FLACC1: variants seen among roughly 807,000 people sequenced by gnomAD.
FLACC1 encodes flagellum-associated coiled-coil domain-containing protein 1.
A neutral mutation model predicts 62.8 loss-of-function variants in FLACC1; 66 were observed. That is an observed-to-expected ratio of 1.05 (90% CI 0.86 to 1.29). The LOEUF is 1.29. Ranked by LOEUF, FLACC1 falls within the 50% of genes most tolerant of loss-of-function variation. The pLI is 0.00. For synonymous variants in FLACC1, 156 were observed against 161.0 expected, an observed-to-expected ratio of 0.97 and a Z score of 0.24; for missense variants, 452 against 489.1, an observed-to-expected ratio of 0.92 and a Z score of 0.71.
chr2:201,311,533 T>C (rs941671598), intron 9 of FLACC1, among the ~76,000 whole-genome samples: 1 of 151,832 alleles, frequency 6.6e-6, no homozygotes, highest in Non-Finnish European at 1.5e-5. Flanking sequence ...CAACATGATA[T>C]GAGACCCCAC....
chr2:201,329,421 G>A (rs1950551455), intron 9 of FLACC1, among the ~76,000 whole-genome samples: 1 of 152,164 alleles, frequency 6.6e-6, no homozygotes, highest in Non-Finnish European at 1.5e-5. Flanking sequence ...ACTACCATTT[G>A]ACTCAGCAAT....
intron 7 of FLACC1, among the ~76,000 whole-genome samples, chr2:201,341,270 G>T (rs931787829): frequency 6.6e-6 from 1 of 151,904 alleles, no homozygotes; most frequent in Admixed American, 6.6e-5. Context: ...GGCTGCTCTG[G>T]TGTGCAGCAA....
chr2:201,308,498 C>T (rs1433502395), intron 10 of FLACC1, among the ~76,000 whole-genome samples: 1 of 152,134 alleles, frequency 6.6e-6, no homozygotes, highest in Non-Finnish European at 1.5e-5. Flanking sequence ...ATGTGGTTGG[C>T]GTGGAATGCG....
chr2:201,350,813 G>T (rs1303870534), intron 2 of FLACC1, 31 bp from the exon 3 acceptor site: 4 of 1,582,882 alleles, frequency 2.5e-6, no homozygotes, highest in Non-Finnish European at 8.7e-7. Context: ...ACTAAAACAA[G>T]AACATTGGAA....
intron 6 of FLACC1, among the ~76,000 whole-genome samples, chr2:201,343,782 A>G (rs1186412059): frequency 6.6e-6 from 1 of 152,238 alleles, no homozygotes; most frequent in Non-Finnish European, 1.5e-5. Flanking sequence ...ACAGTCAGAG[A>G]GTAAGCCCTG....
At chr2:201,305,085 G>C (rs1950074680) in intron 11 of FLACC1, among the ~76,000 whole-genome samples, 1 of 152,182 alleles carries the variant, frequency 6.6e-6, no homozygotes, top group Non-Finnish European at 1.5e-5. Flanking sequence ...TGACAAATGG[G>C]ATCTAAATAA....
intron 9 of FLACC1, among the ~76,000 whole-genome samples, chr2:201,310,843 T>C (rs1417724510): frequency 3.9e-5 from 6 of 151,976 alleles, no homozygotes; most frequent in Non-Finnish European, 8.8e-5. Context: ...AAAGAATCAA[T>C]GAAACAAAAA....
upstream of FLACC1, among the ~76,000 whole-genome samples, chr2:201,357,785 C>T (rs1390103205): frequency 7.1e-6 from 1 of 141,692 alleles, no homozygotes; most frequent in Non-Finnish European, 1.5e-5. Flanking sequence ...GAATCTTTTG[C>T]AGTCACAAGG....
intron 7 of FLACC1, among the ~76,000 whole-genome samples, chr2:201,337,011 G>A (rs568955221): frequency 7.8e-6 from 1 of 128,852 alleles, no homozygotes; most frequent in Non-Finnish European, 1.7e-5. Flanking sequence ...ATGAATTTGT[G>A]TTTGTTTTAC....
At chr2:201,302,970 G>A (rs1257740789) in intron 11 of FLACC1, among the ~76,000 whole-genome samples, 3 of 151,968 alleles carry the variant, frequency 2.0e-5, no homozygotes, top group East Asian at 1.9e-4. Context: ...TGCCCACAAG[G>A]GAAAGCAGGA....
Position 201,288,532 on chromosome 2 carries a change from G to T in FLACC1, c.*123C>A. 1.6e-6 allele frequency: 2 copies of T among 1,243,662 alleles called. No individual in the cohort carries two copies. The highest frequency in any genetic ancestry group is 2.2e-6 in the Non-Finnish European group (2 of 905,204). 77.0% of individuals were successfully genotyped at this position (1,243,662 alleles called of 1,614,324 possible). ...TCAAACATTTTCAGACATTCAGAGA[G>T]TCAGAGCAACCCAAGAACTAAACTC... is the stretch of plus-strand genomic sequence containing the variant. On this transcript the variant is annotated 3_prime_UTR_variant, in exon 15 of 15. Coordinates refer to ENST00000392257, the MANE Select transcript of FLACC1 (RefSeq NM_001127391.3).
chr2:201,346,606 C>T lies in FLACC1; in HGVS notation c.304G>A (p.Asp102Asn). ...CGCTTTTTCCTATCAAACATCTCAT[C>T]CCCTAAGGTGACAGAAATCTGTTCC... ...NREQISVTLG[D>N]EMFDRKKRWE... Residue 102 changes from aspartate to asparagine, a missense_variant, in exon 5 of 15, where the codon GAT becomes AAT. Transcript: ENST00000392257. The surrounding 1 kb of genome is among the most constrained non-coding windows in gnomAD (Gnocchi z 4.0). 6.2e-7 allele frequency: 1 copy of T among 1,614,242 alleles called. No homozygotes were observed. Among genetic ancestry groups the T allele is most frequent in the Non-Finnish European group, 8.5e-7 (1 of 1,180,036 alleles).
chr2:201,296,853 A>G (rs568614680), intron 12 of FLACC1, among the ~76,000 whole-genome samples: 1 of 152,290 alleles, frequency 6.6e-6, no homozygotes, highest in African/African-American at 2.4e-5. Flanking sequence ...GAATGCACGT[A>G]TCTTACTGTT....
intron 9 of FLACC1, among the ~76,000 whole-genome samples, chr2:201,327,301 A>G (rs1950514914): frequency 6.6e-6 from 1 of 152,182 alleles, no homozygotes; most frequent in Non-Finnish European, 1.5e-5. Flanking sequence ...AAATGCAACA[A>G]AACCAAAAAT....
At chr2:201,352,210 G>T (rs1339762581) in intron 1 of FLACC1, 3 of 152,142 alleles carry the variant, frequency 2.0e-5, no homozygotes, top group Non-Finnish European at 4.4e-5. Flanking sequence ...AATTCCCACA[G>T]CAAGTTCTGC....
At chr2:201,291,340 C>A (rs1050522903) in intron 12 of FLACC1, among the ~76,000 whole-genome samples, 1 of 152,208 alleles carries the variant, frequency 6.6e-6, no homozygotes, top group African/African-American at 2.4e-5. Flanking sequence ...TTCAGAGGAA[C>A]AATCAGACAG....
At chr2:201,289,333 G>T (rs34401784) in intron 14 of FLACC1, 124 bp downstream of exon 14, 9 of 861,432 alleles carry the variant, frequency 1.0e-5, no homozygotes, top group Admixed American at 2.4e-5. Context: ...CCTCCCTCCC[G>T]AAAACACCTG....
At chr2:201,316,521 C>A (rs1010909502) in intron 9 of FLACC1, among the ~76,000 whole-genome samples, 1 of 151,992 alleles carries the variant, frequency 6.6e-6, no homozygotes, top group African/African-American at 2.4e-5. Flanking sequence ...GAATTAGATA[C>A]CCCGAACAGA....
rs201923458 is a variant in FLACC1 at position 201,330,480 on chromosome 2, C to T, written c.665G>A (p.Arg222His). 23 of 1,613,692 alleles carry T rather than the reference C, an allele frequency of 1.4e-5. No homozygotes were observed. The highest frequency in any genetic ancestry group is 1.7e-4 in the Middle Eastern group (1 of 6,060). ...AGCTGTGTATCTCACCTGATACGTA[C>T]GAAACATATTCTTCAAATACTTGTA... Reference protein sequence around the residue: ...KEYKYLKNMFRTYQDSIYDEM... With the variant: ...KEYKYLKNMFHTYQDSIYDEM... The change falls in exon 9 of 15, where the codon CGT (arginine) becomes CAT (histidine). Residue 222 changes from arginine to histidine, a missense_variant. Arg to His is a conservative substitution (Grantham distance 29). Transcript: ENST00000392257.
Sources: allele counts gnomAD v4.1 joint callset (sites outside exome capture counted in the v4.1 genomes callset), GRCh38; gene constraint gnomAD v4.1.1; non-coding constraint Gnocchi (gnomAD v3.1); transcripts MANE v1.5; gene names NCBI Gene and HGNC (gene_info 2026-07-23, HGNC 2026-07-21).